Variants in DYNC2H1 observed in about 807,000 individuals in gnomAD.
DYNC2H1 encodes cytoplasmic dynein 2 heavy chain 1.
A neutral mutation model predicts 570.0 loss-of-function variants in DYNC2H1; 410 were observed. The observed-to-expected ratio is 0.72, with a 90% CI of 0.66 to 0.78. DYNC2H1 has a LOEUF of 0.78. DYNC2H1 is among the 30% of genes least tolerant of loss of function. The pLI, the probability that DYNC2H1 is intolerant of heterozygous loss-of-function variation, is 0.00. For synonymous variants in DYNC2H1, 1,688 were observed against 1,677.6 expected (o/e 1.01, Z -0.15); for missense variants, 4,865 against 5,046.4 (o/e 0.96, Z 1.09).
intron 62 of DYNC2H1, among the ~76,000 whole-genome samples, chr11:103,236,065 TA>T (rs1163023351): frequency 6.6e-6 from 1 of 151,982 alleles, no homozygotes; most frequent in African/African-American, 2.4e-5. Flanking sequence ...ATGACTGAAT[TA>T]TTTTTGATAT....
intron 82 of DYNC2H1, among the ~76,000 whole-genome samples, chr11:103,357,769 A>G (rs978054625): frequency 6.6e-6 from 1 of 151,870 alleles, no homozygotes; most frequent in Non-Finnish European, 1.5e-5. Context: ...CCTGGACAAC[A>G]TACTGAGACA....
intron 47 of DYNC2H1, 142 bp downstream of exon 47, chr11:103,192,406 A>T: frequency 1.7e-6 from 1 of 572,878 alleles, no homozygotes; most frequent in Non-Finnish European, 2.6e-6. Context: ...GGTACAGCTC[A>T]GTCTTTTTTG....
rs677668 is a variant in DYNC2H1 at position 103,277,626 on chromosome 11, C to T, written c.10696-2722C>T. ...CTGCTGATAATTTTGGACCGTGAAC[C>T]CATCTTCAGTGATACTTTATCTTTT... On this transcript the variant is annotated intron_variant, in intron 70 of 88. Coordinates refer to ENST00000375735, the MANE Select transcript of DYNC2H1 (RefSeq NM_001377.3). The surrounding 1 kb of genome is among the most constrained non-coding windows in gnomAD (Gnocchi z 4.3). Among the ~76,000 whole-genome samples, 36,963 of 151,928 alleles carry T rather than the reference C, an allele frequency of 0.24. 5,041 individuals carry two copies. Among genetic ancestry groups the T allele is most frequent in the African/African-American group, 0.38 (15,737 of 41,444 alleles).
intron 72 of DYNC2H1, 23 bp downstream of exon 72, chr11:103,282,252 ATT>A: frequency 6.2e-7 from 1 of 1,603,552 alleles, no homozygotes; most frequent in Non-Finnish European, 8.5e-7. Flanking sequence ...AACAAAATCT[ATT>A]TTGCTCTTAA....
At chr11:103,344,932 T>A (rs1939661336) in intron 82 of DYNC2H1, among the ~76,000 whole-genome samples, 1 of 152,170 alleles carries the variant, frequency 6.6e-6, no homozygotes, top group Non-Finnish European at 1.5e-5. Flanking sequence ...TTCTATCCAG[T>A]CTCCCTCCCG....
intron 85 of DYNC2H1, 63 bp from the exon 86 acceptor site, chr11:103,455,122 CT>C: frequency 8.4e-7 from 1 of 1,188,728 alleles, no homozygotes; most frequent in Non-Finnish European, 1.2e-6. Flanking sequence ...TTGAAAATGA[CT>C]TAAGTCTTTA....
At position 103,177,932 on chromosome 11, in the gene DYNC2H1, T is replaced by A; in HGVS notation, c.6139+112T>A. ...TTCTACATGACCATAAAGTCATAAT[T>A]AAGTTAAAATGATGTACATTTGATA... On this transcript the variant is annotated intron_variant, in intron 38 of 88. Coordinates refer to ENST00000375735, the MANE Select transcript of DYNC2H1 (RefSeq NM_001377.3). This position sits in a 1 kb window ranked among gnomAD's most constrained non-coding sequence, Gnocchi z 4.4. 1 of 1,213,604 alleles carries A rather than the reference T, an allele frequency of 8.2e-7. No homozygotes were observed. The highest frequency in any genetic ancestry group is 1.1e-6 in the Non-Finnish European group (1 of 904,818). The allele number at this position is 1,213,604 out of a possible 1,614,324, so 75.2% of individuals were successfully genotyped here. A position where few individuals can be genotyped will look rare whatever the true frequency, so the allele number is the denominator to read the frequency against.
At chr11:103,166,385 A>G (rs1288378248) in intron 31 of DYNC2H1, among the ~76,000 whole-genome samples, 3 of 152,144 alleles carry the variant, frequency 2.0e-5, no homozygotes, top group Non-Finnish European at 2.9e-5. Context: ...CTCGAGGAGA[A>G]CAATCTTTTA....
At chr11:103,408,720 A>G (rs1942966847) in intron 84 of DYNC2H1, among the ~76,000 whole-genome samples, 1 of 152,032 alleles carries the variant, frequency 6.6e-6, no homozygotes, top group Admixed American at 6.6e-5. Flanking sequence ...TGGACTCTAG[A>G]ATAGGATTAC....
chr11:103,287,907 G>A (rs1182781922), intron 75 of DYNC2H1, among the ~76,000 whole-genome samples: 35 of 152,210 alleles, frequency 2.3e-4, no homozygotes, highest in Middle Eastern at 3.4e-3. Flanking sequence ...GTGGGAGACC[G>A]GAGTTTTATT....
At chr11:103,231,584 A>G (rs1565415288) in intron 60 of DYNC2H1, among the ~76,000 whole-genome samples, 1 of 47,084 alleles carries the variant, frequency 2.1e-5, no homozygotes, top group Admixed American at 2.7e-4. Flanking sequence ...ACTCAAGTTA[A>G]GGATCATTTT....
chr11:103,466,140 A>C (rs538150775), intron 87 of DYNC2H1, among the ~76,000 whole-genome samples: 40 of 152,328 alleles, frequency 2.6e-4, no homozygotes, highest in African/African-American at 9.6e-4. Flanking sequence ...TTATGCCAGT[A>C]TGGAAACTTG....
chr11:103,154,914 T>G, intron 24 of DYNC2H1, 105 bp downstream of exon 24: 1 of 840,018 alleles, frequency 1.2e-6, no homozygotes, highest in South Asian at 2.5e-5. Flanking sequence ...TTCAATTAAA[T>G]TATTCCGTTT....
At chr11:103,221,952 C>A in intron 57 of DYNC2H1, 78 bp from the exon 58 acceptor site, 1 of 1,478,482 alleles carries the variant, frequency 6.8e-7, no homozygotes, top group South Asian at 1.2e-5. Flanking sequence ...TTGCATACAC[C>A]ATTTTGTTAA....
At position 103,243,607 on chromosome 11, in the gene DYNC2H1, G is replaced by A; in HGVS notation, c.9820-86G>A. On this transcript the variant is annotated intron_variant, in intron 63 of 88. Transcript: ENST00000375735. The surrounding 1 kb of genome is among the most constrained non-coding windows in gnomAD (Gnocchi z 4.8). ...TGAGAGAAAAGATCATTTAGTAATT[G>A]ATTTATAATTTCTAGAAAACTATTT... 9.7e-7 allele frequency: 1 copy of A among 1,032,146 alleles called. No individual in the cohort carries two copies. Among genetic ancestry groups the A allele is most frequent in the Non-Finnish European group, 1.4e-6 (1 of 712,584 alleles). 63.9% of individuals were successfully genotyped at this position (1,032,146 alleles called of 1,614,324 possible). A position where few individuals can be genotyped will look rare whatever the true frequency, so the allele number is the denominator to read the frequency against.
chr11:103,346,517 C>T (rs1203736671), intron 82 of DYNC2H1, among the ~76,000 whole-genome samples: 3 of 152,110 alleles, frequency 2.0e-5, no homozygotes, highest in Non-Finnish European at 4.4e-5. Context: ...GACCGTTAGA[C>T]AAAAGCAAGT....
At chr11:103,148,720 A>T in intron 20 of DYNC2H1, 103 bp downstream of exon 20, 4 of 1,351,212 alleles carry the variant, frequency 3.0e-6, no homozygotes, top group Non-Finnish European at 2.0e-6. Context: ...TAATCTCAAC[A>T]TTATAAGGAG....
At chr11:103,408,247 CG>C (rs1942947229) in intron 84 of DYNC2H1, 1 of 151,842 alleles carries the variant, frequency 6.6e-6, no homozygotes, top group South Asian at 2.1e-4. Flanking sequence ...TGAAGCAGTC[CG>C]TAGGAGCCTA....
intron 73 of DYNC2H1, among the ~76,000 whole-genome samples, chr11:103,283,853 G>A (rs1045893204): frequency 1.3e-5 from 2 of 151,952 alleles, no homozygotes; most frequent in African/African-American, 4.8e-5. Flanking sequence ...AAAAAAGGGG[G>A]GGGAATTCTG....
Sources: allele counts gnomAD v4.1 joint callset (sites outside exome capture counted in the v4.1 genomes callset), GRCh38; gene constraint gnomAD v4.1.1; non-coding constraint Gnocchi (gnomAD v3.1); transcripts MANE v1.5; gene names NCBI Gene and HGNC (gene_info 2026-07-23, HGNC 2026-07-21).